The following ACBD4 variants were observed in gnomAD, a reference collection of about 807,000 sequenced individuals.
The protein encoded by ACBD4 is acyl-CoA-binding domain-containing protein 4.
ACBD4 carries 41 observed loss-of-function variants against 46.0 expected under a neutral mutation model. The ratio of observed to expected loss-of-function variants is 0.89; its 90% confidence interval spans 0.69 to 1.16. The LOEUF (loss-of-function observed/expected upper bound fraction) is 1.16. Ranked by LOEUF, ACBD4 falls within the 50% of genes most tolerant of loss-of-function variation. ACBD4 has a pLI of 0.00. For synonymous variants in ACBD4, 162 were observed against 155.9 expected (o/e 1.04, Z -0.29); for missense variants, 393 against 399.5 (o/e 0.98, Z 0.14).
At chr17:45,137,217 A>G in intron 5 of ACBD4, 78 bp downstream of exon 5, 2 of 1,605,574 alleles carry the variant, frequency 1.2e-6, no homozygotes, top group Non-Finnish European at 1.7e-6. Context: ...CTGGGGGCAG[A>G]GGGCTCCAGG....
chr17:45,141,930 CA>C (rs562474622), intron 9 of ACBD4, among the ~76,000 whole-genome samples: 1,477 of 129,072 alleles, frequency 0.011, 18 homozygotes, highest in African/African-American at 0.035. Context: ...TAGTAATTGC[CA>C]AAAAAAAAAA....
intron 4 of ACBD4, 49 bp downstream of exon 4, chr17:45,136,825 A>C (rs1478759532): frequency 1.2e-6 from 2 of 1,609,128 alleles, no homozygotes. Context: ...AGGTGGCCTC[A>C]CCCTTCCAGT....
rs1160418817 is a variant in ACBD4, at chr17:45,139,053, G to T, written c.682G>T (p.Glu228Ter). Residue 228 changes from glutamate to a stop codon, truncating the protein, a stop_gained, in exon 9 of 10, where the codon GAG becomes TAG. Transcript: ENST00000321854. LOFTEE classifies it high-confidence loss of function. Reference protein sequence around the residue: ...GLRGSPPGPQELDVWLLGTVR... With the variant: ...GLRGSPPGPQ The stretch of plus-strand genomic sequence containing the variant: ...GCGGGGCAGCCCGCCGGGGCCCCAG[G>T]AGTTGGACGTGTGGCTGCTGGGGAC... 5 of 1,613,648 alleles carry T rather than the reference G, an allele frequency of 3.1e-6. No individual in the cohort carries two copies. The South Asian group carries it at 5.5e-5, about 18-fold the overall frequency.
upstream of ACBD4, among the ~76,000 whole-genome samples, chr17:45,133,520 C>G (rs184984884): frequency 2.7e-5 from 2 of 73,802 alleles, no homozygotes; most frequent in East Asian, 6.8e-4. Context: ...CCTGAATTTT[C>G]TTTTTTTTTT....
upstream of ACBD4, among the ~76,000 whole-genome samples, chr17:45,134,838 A>G (rs912032177): frequency 1.3e-5 from 2 of 152,188 alleles, no homozygotes; most frequent in Non-Finnish European, 2.9e-5. Context: ...ATTGGTAACT[A>G]TAATCGTTGT....
At chr17:45,137,316 G>A (rs909252937) in intron 5 of ACBD4, 52 bp from the exon 6 acceptor site, 2 of 1,607,400 alleles carry the variant, frequency 1.2e-6, no homozygotes, top group African/African-American at 2.7e-5. Context: ...TGATCACACT[G>A]GGAGGTGCCA....
At chr17:45,139,201 C>A (rs1212577437) in intron 9 of ACBD4, 41 bp downstream of exon 9, 4 of 1,608,048 alleles carry the variant, frequency 2.5e-6, no homozygotes, top group East Asian at 2.2e-5. Context: ...ATGGCAGAAT[C>A]CGGTCTTTAT....
intron 9 of ACBD4, among the ~76,000 whole-genome samples, chr17:45,143,225 C>T (rs2055403036): frequency 6.6e-6 from 1 of 152,218 alleles, no homozygotes; most frequent in Non-Finnish European, 1.5e-5. Flanking sequence ...TACCCGCAGC[C>T]CCGCCAGCCT....
rs762408167 is a variant in ACBD4 at position 45,143,645 on chromosome 17, A to C, written c.*74A>C. 6.2e-6 allele frequency: 10 copies of C among 1,609,814 alleles called. No homozygotes were observed. The South Asian group carries it at 8.8e-5, about 14-fold the overall frequency. ...CCTGAGCCTTCCTAGGGTTTAGAAG[A>C]ACAGCATTCAAAATTCCCCGTCCTG... On this transcript the variant is annotated 3_prime_UTR_variant, in exon 10 of 10. Transcript: ENST00000321854.
Position 45,143,687 on chromosome 17 carries a change from C to T in ACBD4, c.*116C>T. The stretch of plus-strand genomic sequence containing the variant: ...CCCGTCCTGTCAGTGTTTGCCTTCG[C>T]ACCTCCTCCCCTAAAGCAGCGCGGG... On this transcript the variant is annotated 3_prime_UTR_variant, in exon 10 of 10. Coordinates refer to ENST00000321854, the MANE Select transcript of ACBD4 (RefSeq NM_001135705.3). 6.4e-7 allele frequency: 1 copy of T among 1,563,140 alleles called. No homozygotes were observed. The highest frequency in any genetic ancestry group is 8.8e-7 in the Non-Finnish European group (1 of 1,142,454).
At chr17:45,137,264 T>A in intron 5 of ACBD4, 104 bp from the exon 6 acceptor site, 1 of 1,594,608 alleles carries the variant, frequency 6.3e-7, no homozygotes, top group Non-Finnish European at 8.6e-7. Flanking sequence ...CCCCGAGAGG[T>A]GGATCCCAGG....
chr17:45,132,791 AC>A (rs1260467240), upstream of ACBD4: 1 of 156,380 alleles, frequency 6.4e-6, no homozygotes, highest in Non-Finnish European at 1.4e-5. This position sits in a 1 kb window ranked among gnomAD's most constrained non-coding sequence, Gnocchi z 4.6. Flanking sequence ...TGGCACAGAC[AC>A]CCTCTCCTTC....
chr17:45,135,138 G>C (rs1316758875), upstream of ACBD4, among the ~76,000 whole-genome samples: 1 of 151,988 alleles, frequency 6.6e-6, no homozygotes, highest in Admixed American at 6.6e-5. Context: ...GCTAATTTGT[G>C]TATTTTTAGT....
At chr17:45,133,572 C>T (rs1370877258), upstream of ACBD4, among the ~76,000 whole-genome samples, 3 of 136,918 alleles carry the variant, frequency 2.2e-5, no homozygotes, top group African/African-American at 8.3e-5. Context: ...CGCTCCGTCG[C>T]CCAGGCTGGA....
Position 45,143,727 on chromosome 17 carries a change from C to G in ACBD4, c.*156C>G. 1 of 1,242,774 alleles carries G rather than the reference C, an allele frequency of 8.0e-7. No homozygotes were observed. Among genetic ancestry groups the G allele is most frequent in the Non-Finnish European group, 1.1e-6 (1 of 889,134 alleles). The allele number at this position is 1,242,774 out of a possible 1,614,324, so 77.0% of individuals were successfully genotyped here. A position where few individuals can be genotyped will look rare whatever the true frequency, so the allele number is the denominator to read the frequency against. ...AGCAGCGCGGGGGGCAAATAAGACCCCACCCCTCCCTGCAGCTTCACAGGG... is the reference window on the plus strand; with the variant it reads ...AGCAGCGCGGGGGGCAAATAAGACCGCACCCCTCCCTGCAGCTTCACAGGG... On this transcript the variant is annotated 3_prime_UTR_variant, in exon 10 of 10. Coordinates refer to ENST00000321854, the MANE Select transcript of ACBD4 (RefSeq NM_001135705.3).
chr17:45,141,505 T>C (rs1326005404), intron 9 of ACBD4, among the ~76,000 whole-genome samples: 1 of 152,198 alleles, frequency 6.6e-6, no homozygotes, highest in East Asian at 1.9e-4. Context: ...CTGGGTAACA[T>C]AGTGAGACCC....
At chr17:45,139,234 T>C in intron 9 of ACBD4, 74 bp downstream of exon 9, 1 of 1,534,252 alleles carries the variant, frequency 6.5e-7, no homozygotes, top group East Asian at 2.3e-5. Context: ...TTCCAGCCAC[T>C]TTTGTTTTTG....
rs1266943544 is a variant in ACBD4, at chr17:45,143,456, G to A, written c.803G>A (p.Arg268Lys). The A allele has an allele frequency of 1.9e-6, 3 of 1,610,944 alleles. No individual in the cohort carries two copies. Among genetic ancestry groups the A allele is most frequent in the Non-Finnish European group, 2.5e-6 (3 of 1,179,584 alleles). Residue 268 changes from arginine (R) to lysine (K), a missense_variant, in exon 10 of 10, where the codon AGG (arginine) becomes AAG (lysine). Arg to Lys is a conservative substitution (Grantham distance 26). Transcript: ENST00000321854. ...TCTTGGCTGCAGAGGCCGCAGCCCA[G>A]GCCCAGTGCTCGGCCATGGCCCCTT... ...PRPPEQRPQP[R>K]PSARPWPLGL...
chr17:45,132,494 C>G, upstream of ACBD4: 1 of 831,728 alleles, frequency 1.2e-6, no homozygotes. The surrounding 1 kb of genome is among the most constrained non-coding windows in gnomAD (Gnocchi z 4.6). Flanking sequence ...GGCCCCGGCT[C>G]TGAGCGAGGC....
Sources: allele counts gnomAD v4.1 joint callset (sites outside exome capture counted in the v4.1 genomes callset), GRCh38; gene constraint gnomAD v4.1.1; non-coding constraint Gnocchi (gnomAD v3.1); transcripts MANE v1.5; gene names NCBI Gene and HGNC (gene_info 2026-07-23, HGNC 2026-07-21).